Variants in PLEKHD1 observed in about 807,000 individuals in gnomAD.
PLEKHD1 encodes pleckstrin homology domain-containing family D member 1.
In PLEKHD1, 51 loss-of-function variants were observed where a neutral mutation model predicts 69.2. That is an observed-to-expected ratio of 0.74 (90% confidence interval 0.59 to 0.93). The LOEUF is 0.93. Among genes scored for constraint, PLEKHD1 ranks in the 40% least tolerant of loss-of-function variants. The pLI, the probability that PLEKHD1 is intolerant of heterozygous loss-of-function variation, is 0.00. For synonymous variants in PLEKHD1, 236 were observed against 244.7 expected (o/e 0.96, Z 0.33); for missense variants, 584 against 641.0 (o/e 0.91, Z 0.96).
At chr14:69,475,527 G>A in the PLEKHD1 span, among the ~76,000 whole-genome samples, 1 of 152,174 alleles carries the variant, frequency 6.6e-6, no homozygotes, top group African/African-American at 2.4e-5. Flanking sequence ...CAGTGAGAGG[G>A]TGGGGTGGGG....
chr14:69,484,052 A>G (rs1046799682), upstream of PLEKHD1, among the ~76,000 whole-genome samples: 20 of 152,230 alleles, frequency 1.3e-4, no homozygotes, highest in Admixed American at 1.1e-3. Flanking sequence ...CGACACAGAC[A>G]CGGTCAGGTT....
At chr14:69,521,414 C>T (rs1406174615) in intron 6 of PLEKHD1, among the ~76,000 whole-genome samples, 2 of 152,222 alleles carry the variant, frequency 1.3e-5, no homozygotes, top group African/African-American at 4.8e-5. Context: ...CCTCCCTCCC[C>T]AGTGGGGTTT....
At chr14:69,500,333 C>T in intron 2 of PLEKHD1, 125 bp downstream of exon 2, 1 of 877,800 alleles carries the variant, frequency 1.1e-6, no homozygotes, top group East Asian at 2.6e-5. Context: ...AGAGCAAATC[C>T]TCTTGGGGCA....
At chr14:69,524,034 C>T (rs1386898409) in intron 7 of PLEKHD1, among the ~76,000 whole-genome samples, 195 bp from the exon 8 acceptor site, 5 of 152,192 alleles carry the variant, frequency 3.3e-5, no homozygotes, top group African/African-American at 1.2e-4. Context: ...ACTCCAACCC[C>T]ATGTGGCCAG....
chr14:69,516,329 A>T (rs2139522048), intron 6 of PLEKHD1, among the ~76,000 whole-genome samples: 1 of 142,418 alleles, frequency 7.0e-6, no homozygotes, highest in African/African-American at 2.4e-5. Context: ...TAATTGACAG[A>T]CAACTGTCAC....
chr14:69,497,255 C>T (rs961891704), intron 1 of PLEKHD1, among the ~76,000 whole-genome samples: 3 of 152,194 alleles, frequency 2.0e-5, no homozygotes, highest in Non-Finnish European at 4.4e-5. Flanking sequence ...GCTGACTTGC[C>T]GAAGGACCCC....
Position 69,503,082 on chromosome 14 carries a change from C to T in PLEKHD1, c.555+203C>T. On this transcript the variant is annotated intron_variant, in intron 6 of 12. Transcript: ENST00000322564. ...TAAGAAGTGTCTTTCTCCTTACCAA[C>T]CCCTGGGAGTAAAGTGAAAAGGGTG... 4 of 590,108 alleles carry T rather than the reference C, an allele frequency of 6.8e-6. No homozygotes were observed. In the East Asian group the frequency reaches 8.9e-5, roughly 13 times the overall value. 36.6% of individuals were successfully genotyped at this position (590,108 alleles called of 1,614,324 possible).
intron 6 of PLEKHD1, among the ~76,000 whole-genome samples, chr14:69,518,601 T>G (rs566999793): frequency 2.0e-5 from 3 of 152,324 alleles, no homozygotes; most frequent in Non-Finnish European, 4.4e-5. Context: ...TAGTCTAGAA[T>G]TGCATTCTTT....
At chr14:69,495,542 T>C (rs1200169009) in intron 1 of PLEKHD1, among the ~76,000 whole-genome samples, 1 of 152,234 alleles carries the variant, frequency 6.6e-6, no homozygotes, top group East Asian at 1.9e-4. Context: ...TGAGTGGTGT[T>C]AAGTGCATTA....
chr14:69,485,959 A>G (rs1371552135), intron 1 of PLEKHD1, among the ~76,000 whole-genome samples: 1 of 152,206 alleles, frequency 6.6e-6, no homozygotes, highest in Non-Finnish European at 1.5e-5. Context: ...GGGAAGAGGG[A>G]GTTCACAGCC....
chr14:69,528,202 C>T lies in PLEKHD1; in HGVS notation c.1352-48C>T, dbSNP rs60203295. On this transcript the variant is annotated intron_variant, in intron 12 of 12. Transcript: ENST00000322564. ...GAGGCTGGGGACAGGGCCAGGCCTT[C>T]GTGGAGGGAGCACTGTTCACAGGGC... is the stretch of plus-strand genomic sequence containing the variant. 1.2e-4 allele frequency: 188 copies of T among 1,545,834 alleles called. No individual in the cohort carries two copies. The African/African-American group carries it at 2.3e-3, about 19-fold the overall frequency.
intron 6 of PLEKHD1, among the ~76,000 whole-genome samples, chr14:69,509,536 A>G (rs1357364162): frequency 6.6e-6 from 1 of 151,776 alleles, no homozygotes. Flanking sequence ...ATTTAGCTCT[A>G]TGATCCATTG....
chr14:69,485,587 A>G (rs1184000119), intron 1 of PLEKHD1, among the ~76,000 whole-genome samples: 1 of 152,012 alleles, frequency 6.6e-6, no homozygotes, highest in Non-Finnish European at 1.5e-5. Flanking sequence ...ACGGAGAGGG[A>G]CCTGGCCCTT....
intron 6 of PLEKHD1, among the ~76,000 whole-genome samples, chr14:69,519,697 T>C (rs1289927337): frequency 6.6e-6 from 1 of 152,228 alleles, no homozygotes; most frequent in Non-Finnish European, 1.5e-5. Context: ...TTTTAATCAT[T>C]GACCCTCCCC....
At chr14:69,524,199 A>C (rs1594993403) in intron 7 of PLEKHD1, 30 bp from the exon 8 acceptor site, 1 of 1,507,584 alleles carries the variant, frequency 6.6e-7, no homozygotes, top group Non-Finnish European at 9.0e-7. Context: ...GAGAGTGGGC[A>C]CTGCCATACC....
intron 1 of PLEKHD1, among the ~76,000 whole-genome samples, chr14:69,493,686 C>T (rs900594651): frequency 6.6e-5 from 10 of 152,254 alleles, no homozygotes; most frequent in African/African-American, 1.4e-4. Flanking sequence ...CTTCTTAACT[C>T]GGCTCTCCCT....
intron 1 of PLEKHD1, among the ~76,000 whole-genome samples, chr14:69,486,749 C>T (rs929500362): frequency 6.6e-6 from 1 of 152,164 alleles, no homozygotes; most frequent in Non-Finnish European, 1.5e-5. Flanking sequence ...CAGGGTATGT[C>T]CCCTGGTCCT....
the PLEKHD1 span, among the ~76,000 whole-genome samples, chr14:69,476,276 A>G: frequency 1.3e-5 from 2 of 151,550 alleles, no homozygotes; most frequent in Admixed American, 1.3e-4. Context: ...AAAAAAAAAA[A>G]AATGGCATCA....
chr14:69,491,428 C>T (rs1471923345), intron 1 of PLEKHD1, among the ~76,000 whole-genome samples: 1 of 152,166 alleles, frequency 6.6e-6, no homozygotes, highest in Non-Finnish European at 1.5e-5. Context: ...TGGATCCTCC[C>T]AGGATCCTCT....
Sources: gnomAD v4.1 joint callset for allele counts (sites outside exome capture counted in the v4.1 genomes callset) on GRCh38, gnomAD v4.1.1 for gene constraint, MANE v1.5 for transcripts, NCBI Gene and HGNC (gene_info 2026-07-23, HGNC 2026-07-21) for gene names.